HPSE2: variants seen among roughly 807,000 people sequenced by gnomAD.
HPSE2 encodes the protein inactive heparanase-2.
A neutral mutation model predicts 60.5 loss-of-function variants in HPSE2; 38 were observed. The observed-to-expected ratio is 0.63, with a 90% CI of 0.48 to 0.82. The LOEUF (loss-of-function observed/expected upper bound fraction) is 0.82, where lower values mean the gene tolerates loss of function less well. HPSE2 is among the 40% of genes least tolerant of loss of function. The pLI is 0.00. For synonymous variants in HPSE2, 295 were observed against 293.2 expected (o/e 1.01, Z -0.06); for missense variants, 713 against 740.4 (o/e 0.96, Z 0.43).
intron 3 of HPSE2, among the ~76,000 whole-genome samples, chr10:98,769,354 A>T (rs1589796898): frequency 6.6e-6 from 1 of 152,072 alleles, no homozygotes; most frequent in East Asian, 1.9e-4. Context: ...GAGTTGGGGG[A>T]TGATATTTTG....
At chr10:99,031,024 T>C (rs2135450813) in intron 3 of HPSE2, among the ~76,000 whole-genome samples, 1 of 152,134 alleles carries the variant, frequency 6.6e-6, no homozygotes, top group East Asian at 1.9e-4. Flanking sequence ...AAGGAGGAAA[T>C]GGTTAATGGG....
rs77980119 is a variant in HPSE2 at position 99,079,283 on chromosome 10, A to G, written c.610+64955T>C. On this transcript the variant is annotated intron_variant, in intron 3 of 11. Transcript: ENST00000370552. ...TTCCCTCCCCAGAGGGAAGCTGGGA[A>G]CTAGGGTATATTCATCTGCTTGCTC... is the stretch of plus-strand genomic sequence containing the variant. 4.5e-3 allele frequency among the ~76,000 whole-genome samples: 687 copies of G among 152,026 alleles called. 3 individuals are homozygous for G. The highest frequency in any genetic ancestry group is 0.016 in the African/African-American group (657 of 41,474).
intron 9 of HPSE2, among the ~76,000 whole-genome samples, chr10:98,521,821 A>G (rs1280098005): frequency 3.3e-5 from 5 of 152,204 alleles, no homozygotes; most frequent in Non-Finnish European, 7.3e-5. Flanking sequence ...GGATGAGTTC[A>G]TGTCCTTTGC....
chr10:98,599,311 C>T (rs1219370624), intron 9 of HPSE2, among the ~76,000 whole-genome samples: 1 of 152,148 alleles, frequency 6.6e-6, no homozygotes, highest in African/African-American at 2.4e-5. Context: ...CGGTGGCCAG[C>T]CTGAAGGCTG....
chr10:99,108,150 T>C (rs937298101), intron 3 of HPSE2, among the ~76,000 whole-genome samples: 4 of 152,174 alleles, frequency 2.6e-5, no homozygotes, highest in Non-Finnish European at 4.4e-5. Context: ...AAAGATACTG[T>C]TATTTTGAGC....
intron 2 of HPSE2, among the ~76,000 whole-genome samples, chr10:99,144,838 G>A (rs1845990139): frequency 6.6e-6 from 1 of 152,110 alleles, no homozygotes; most frequent in African/African-American, 2.4e-5. Flanking sequence ...GTGTATTTAG[G>A]ATACTTGGTC....
chr10:98,997,546 T>C (rs572800618), intron 3 of HPSE2, among the ~76,000 whole-genome samples: 5 of 152,318 alleles, frequency 3.3e-5, no homozygotes, highest in East Asian at 1.9e-4. Context: ...TAGCAACTTA[T>C]CGTAAACAGG....
At chr10:99,292,577 C>A in the HPSE2 span, among the ~76,000 whole-genome samples, 1 of 151,972 alleles carries the variant, frequency 6.6e-6, no homozygotes, top group Non-Finnish European at 1.5e-5. Context: ...ATAATGAGAA[C>A]CACAAATATG....
chr10:98,977,450 C>G (rs1956110169), intron 3 of HPSE2, among the ~76,000 whole-genome samples: 1 of 152,114 alleles, frequency 6.6e-6, no homozygotes, highest in Admixed American at 6.6e-5. Context: ...CCAGGAACCA[C>G]AAAGACAACA....
At chr10:98,973,521 A>G (rs1362966307) in intron 3 of HPSE2, among the ~76,000 whole-genome samples, 2 of 152,188 alleles carry the variant, frequency 1.3e-5, no homozygotes, top group African/African-American at 2.4e-5. Flanking sequence ...TTTGTCTCCA[A>G]AGGTAAATTC....
chr10:98,748,986 C>T (rs148962603), intron 3 of HPSE2, among the ~76,000 whole-genome samples: 2 of 152,052 alleles, frequency 1.3e-5, no homozygotes, highest in Non-Finnish European at 2.9e-5. Flanking sequence ...GATTCTGATA[C>T]ATTCAGCTTA....
At chr10:98,740,929 T>C (rs1949480337) in intron 4 of HPSE2, among the ~76,000 whole-genome samples, 1 of 152,190 alleles carries the variant, frequency 6.6e-6, no homozygotes, top group South Asian at 2.1e-4. Context: ...AGCAGAATAC[T>C]GTACATTGGA....
intron 9 of HPSE2, among the ~76,000 whole-genome samples, chr10:98,513,571 C>A (rs1380900935): frequency 1.3e-5 from 2 of 152,152 alleles, no homozygotes; most frequent in Non-Finnish European, 2.9e-5. Context: ...CACAAAATTA[C>A]AAAGGAATGC....
intron 3 of HPSE2, among the ~76,000 whole-genome samples, chr10:98,900,322 A>G (rs563711601): frequency 3.3e-5 from 5 of 152,344 alleles, no homozygotes; most frequent in Non-Finnish European, 5.9e-5. Flanking sequence ...AAAACCCAGT[A>G]CAAACTGTAA....
chr10:99,077,702 GTGTA>G (rs889173879), intron 3 of HPSE2, among the ~76,000 whole-genome samples: 1 of 76,936 alleles, frequency 1.3e-5, no homozygotes, highest in African/African-American at 3.2e-5. Context: ...TCAGATATAT[GTGTA>G]TGTGTGTATA....
chr10:99,041,281 AT>A (rs576125807), intron 3 of HPSE2, among the ~76,000 whole-genome samples: 165 of 152,096 alleles, frequency 1.1e-3, no homozygotes, highest in African/African-American at 3.8e-3. Context: ...CCACATTGAG[AT>A]TCATAAAGGA....
chr10:99,015,794 T>C (rs1478963597), intron 3 of HPSE2, among the ~76,000 whole-genome samples: 6 of 152,258 alleles, frequency 3.9e-5, no homozygotes, highest in African/African-American at 1.4e-4. Flanking sequence ...GTTGTGCACA[T>C]GTACCCTAAA....
chr10:98,909,985 A>G (rs547218832), intron 3 of HPSE2, among the ~76,000 whole-genome samples: 1 of 152,320 alleles, frequency 6.6e-6, no homozygotes, highest in South Asian at 2.1e-4. Context: ...ATGATTACTT[A>G]ATACTCATCT....
intron 3 of HPSE2, among the ~76,000 whole-genome samples, chr10:99,094,788 C>T (rs1158955164): frequency 4.6e-5 from 7 of 151,414 alleles, no homozygotes; most frequent in Admixed American, 4.6e-4. Flanking sequence ...AACTACTAAC[C>T]TCTAGTGGTC....
Sources: gnomAD v4.1 joint callset for allele counts (sites outside exome capture counted in the v4.1 genomes callset) on GRCh38, gnomAD v4.1.1 for gene constraint, MANE v1.5 for transcripts, NCBI Gene and HGNC (gene_info 2026-07-23, HGNC 2026-07-21) for gene names.